Variants in CATSPERB observed in about 807,000 individuals in gnomAD.
The protein encoded by CATSPERB is cation channel sperm-associated auxiliary subunit beta.
A neutral mutation model predicts 128.3 loss-of-function variants in CATSPERB; 93 were observed. The ratio of observed to expected loss-of-function variants is 0.72; its 90% CI spans 0.61 to 0.86. CATSPERB has a LOEUF of 0.86. Ranked by LOEUF, CATSPERB falls within the 40% of genes least tolerant of loss-of-function variation. The pLI is 0.00. For synonymous variants in CATSPERB, 381 were observed against 448.8 expected (o/e 0.85, Z 1.91); for missense variants, 1,153 against 1,329.5 (o/e 0.87, Z 2.06).
intron 15 of CATSPERB, among the ~76,000 whole-genome samples, chr14:91,645,850 C>A (rs1447414778): frequency 4.1e-4 from 61 of 149,558 alleles, no homozygotes; most frequent in African/African-American, 1.3e-3. Context: ...CTGTGCTAGC[C>A]ATCAGCGAGA....
At chr14:91,682,881 C>A (rs1171035235) in intron 11 of CATSPERB, among the ~76,000 whole-genome samples, 2 of 152,160 alleles carry the variant, frequency 1.3e-5, no homozygotes, top group African/African-American at 2.4e-5. Flanking sequence ...AGTGGCCTTA[C>A]AAAACTATAT....
intron 13 of CATSPERB, among the ~76,000 whole-genome samples, chr14:91,671,671 CT>C (rs201207423): frequency 6.6e-6 from 1 of 150,888 alleles, no homozygotes; most frequent in African/African-American, 2.4e-5. Context: ...ATCTTTTTTT[CT>C]TTTTTTTTAA....
At position 91,723,183 on chromosome 14, in the gene CATSPERB, G is replaced by T; in HGVS notation, c.175C>A (p.Gln59Lys). The T allele has an allele frequency of 1.4e-6, 2 of 1,461,210 alleles. No homozygotes were observed. The highest frequency in any genetic ancestry group is 9.0e-7 in the Non-Finnish European group (1 of 1,108,978). 90.5% of individuals were successfully genotyped at this position (1,461,210 alleles called of 1,614,324 possible). A position where few individuals can be genotyped will look rare whatever the true frequency, so the allele number is the denominator to read the frequency against. ...LYLFLENLKI[Q>K]CFFQTENEIA... is the part of the protein sequence containing the mutation. ...TCATTTTCAGTTTGGAAGAAACACT[G>T]GATTTTCTTTAGGAAAGCAAGAAAA... The change falls in exon 4 of 27, where the codon CAG (glutamine) becomes AAG (lysine). Residue 59 changes from glutamine (Q) to lysine (K), a missense_variant. Physicochemically the swap from Gln to Lys is moderately conservative, Grantham distance 53. Transcript: ENST00000256343.
chr14:91,587,343 A>T, intron 25 of CATSPERB, 67 bp from the exon 26 acceptor site: 1 of 1,190,066 alleles, frequency 8.4e-7, no homozygotes, highest in Non-Finnish European at 1.2e-6. Context: ...TATTAATAAA[A>T]ATATACCCTG....
intron 21 of CATSPERB, among the ~76,000 whole-genome samples, chr14:91,610,128 G>A (rs1479035066): frequency 6.6e-6 from 1 of 152,112 alleles, no homozygotes; most frequent in Admixed American, 6.5e-5. Flanking sequence ...CCGCATGTAA[G>A]TGGACCTATG....
chr14:91,700,074 C>T (rs1895621432), intron 7 of CATSPERB, among the ~76,000 whole-genome samples: 1 of 152,004 alleles, frequency 6.6e-6, no homozygotes, highest in South Asian at 2.1e-4. Flanking sequence ...CTAATGCTAT[C>T]CCTCCTTTTG....
intron 22 of CATSPERB, among the ~76,000 whole-genome samples, chr14:91,595,511 C>T (rs535356954): frequency 7.2e-5 from 11 of 152,098 alleles, no homozygotes; most frequent in East Asian, 5.8e-4. Context: ...GGATTTGTGC[C>T]GTCAAATATC....
intron 5 of CATSPERB, among the ~76,000 whole-genome samples, chr14:91,716,713 A>ACACG (rs113374931): frequency 0.065 from 3,016 of 46,274 alleles, 114 homozygotes; most frequent in African/African-American, 0.17. Flanking sequence ...TTACAAGCAT[A>ACACG]CACACACACA....
rs745876901 is a variant in CATSPERB, at chr14:91,693,201, A to C, written c.756T>G (p.His252Gln). 5 of 1,613,842 alleles carry C rather than the reference A, an allele frequency of 3.1e-6. No homozygotes were observed. Among genetic ancestry groups the C allele is most frequent in the Non-Finnish European group, 4.2e-6 (5 of 1,179,868 alleles). ...LSLVDMVLTNHFLVILTSLGL... is the reference protein window; with the variant it reads ...LSLVDMVLTNQFLVILTSLGL... Reference sequence around the variant, plus strand: ...CCAAAGAGGTGAGGATAACTAAAAAATGATTCGTTAAAACCATATCCACCA... The same window carrying C: ...CCAAAGAGGTGAGGATAACTAAAAACTGATTCGTTAAAACCATATCCACCA... Residue 252 changes from histidine to glutamine, a missense_variant, in exon 9 of 27, where the codon CAT becomes CAG. Physicochemically the swap from His to Gln is conservative, Grantham distance 24 (BLOSUM62 0). Transcript: ENST00000256343.
intron 7 of CATSPERB, among the ~76,000 whole-genome samples, chr14:91,703,310 T>C (rs188179157): frequency 1.3e-5 from 2 of 152,314 alleles, no homozygotes; most frequent in Admixed American, 6.5e-5. Context: ...TGGCTCCTGA[T>C]AGAGAACTCC....
Position 91,639,228 on chromosome 14 carries a change from G to T in CATSPERB, c.1455C>A (p.Val485=). 1.9e-6 allele frequency: 3 copies of T among 1,613,480 alleles called. No individual in the cohort carries two copies. The highest frequency in any genetic ancestry group is 2.2e-5 in the East Asian group (1 of 44,866). Residue 485 remains valine (V), a synonymous_variant, in exon 16 of 27, where the codon GTC becomes GTA. Transcript: ENST00000256343. ...TGAAAATTCTCTCAGTAACACTTCC[G>T]ACTGCACTGTATCTTCCCATTCCTA... ...TKAGMGRYSA[V]GSVTERIFTL...
intron 17 of CATSPERB, 21 bp from the exon 18 acceptor site, chr14:91,625,028 TA>T: frequency 6.6e-7 from 1 of 1,514,846 alleles, no homozygotes; most frequent in South Asian, 1.3e-5. Context: ...ATAAAACCAT[TA>T]AGCAATTTGG....
rs566818680 is a variant in CATSPERB, at chr14:91,722,741, G to A, written c.309+308C>T. On this transcript the variant is annotated intron_variant, in intron 4 of 26. Coordinates refer to ENST00000256343, the MANE Select transcript of CATSPERB (RefSeq NM_024764.4). The stretch of plus-strand genomic sequence containing the variant: ...AAAAACCCCAGAGAATTATTTGCCA[G>A]CAGTTCTGCACTGTAAGAAATGCTA... Among the ~76,000 whole-genome samples, 4 of 152,244 alleles carry A rather than the reference G, an allele frequency of 2.6e-5. No homozygotes were observed. The East Asian group carries it at 7.7e-4, about 29-fold the overall frequency.
At chr14:91,606,437 C>A (rs531883420) in intron 22 of CATSPERB, among the ~76,000 whole-genome samples, 1 of 152,022 alleles carries the variant, frequency 6.6e-6, no homozygotes, top group East Asian at 1.9e-4. Flanking sequence ...GTGGTGCACG[C>A]CTGTAATCCC....
intron 18 of CATSPERB, among the ~76,000 whole-genome samples, chr14:91,624,604 ACACT>A (rs1894118563): frequency 2.0e-5 from 3 of 151,714 alleles, no homozygotes; most frequent in Non-Finnish European, 4.4e-5. Flanking sequence ...TCGCGTCACT[ACACT>A]CCAGCCTGGG....
chr14:91,661,771 G>C (rs992974381), intron 14 of CATSPERB, among the ~76,000 whole-genome samples: 1 of 151,796 alleles, frequency 6.6e-6, no homozygotes, highest in Non-Finnish European at 1.5e-5. Context: ...CGATTCTCCT[G>C]CCTTGGCCTC....
At position 91,729,418 on chromosome 14, in the gene CATSPERB, C is replaced by A. The variant is rs756301845; in HGVS notation, c.62G>T (p.Gly21Val). The A allele has an allele frequency of 6.7e-7, 1 of 1,489,308 alleles. No individual in the cohort carries two copies. The allele number at this position is 1,489,308 out of a possible 1,614,324, so 92.3% of individuals were successfully genotyped here. A position where few individuals can be genotyped will look rare whatever the true frequency, so the allele number is the denominator to read the frequency against. Residue 21 changes from glycine (G) to valine (V), a missense_variant, in exon 2 of 27, where the codon GGA (glycine) becomes GTA (valine). By Grantham distance (109) the Gly-to-Val change is moderately radical. Transcript: ENST00000256343. ...AAACTTACCTTTATTATATACTATT[C>A]CTGATGAAAATTCAAATATGTTCAA... is the stretch of plus-strand genomic sequence containing the variant. ...LLLNIFEFSS[G>V]IVYNKDDTEK...
intron 9 of CATSPERB, among the ~76,000 whole-genome samples, chr14:91,692,211 G>T (rs914731991): frequency 6.6e-6 from 1 of 150,998 alleles, no homozygotes; most frequent in Admixed American, 6.6e-5. Context: ...AAGTGTGCTG[G>T]CATATGCAAG....
chr14:91,588,120 T>G, intron 24 of CATSPERB, 42 bp from the exon 25 acceptor site: 1 of 1,288,624 alleles, frequency 7.8e-7, no homozygotes, highest in Admixed American at 2.0e-5. Flanking sequence ...CTTATTTTTC[T>G]CATTTTGTAT....
Sources: allele counts gnomAD v4.1 joint callset (sites outside exome capture counted in the v4.1 genomes callset), GRCh38; gene constraint gnomAD v4.1.1; transcripts MANE v1.5; gene names NCBI Gene and HGNC (gene_info 2026-07-23, HGNC 2026-07-21).